CEACAM19: variants seen among roughly 807,000 people sequenced by gnomAD.
The protein encoded by CEACAM19 is CEA cell adhesion molecule 19, also known as cell adhesion molecule CEACAM19.
In CEACAM19, 37 loss-of-function variants were observed where a neutral mutation model predicts 37.6. That is an observed-to-expected ratio of 0.98 (90% CI 0.76 to 1.29). The LOEUF is 1.29. Ranked by LOEUF, CEACAM19 falls within the 50% of genes most tolerant of loss-of-function variation. CEACAM19 has a pLI of 0.00. For synonymous variants in CEACAM19, 140 were observed against 149.8 expected (o/e 0.93, Z 0.48); for missense variants, 340 against 375.6 (o/e 0.91, Z 0.78).
At position 44,672,701 on chromosome 19, in the gene CEACAM19, A is replaced by G. The variant is rs1214681415; in HGVS notation, c.161A>G (p.Gln54Arg). 4 of 1,576,876 alleles carry G rather than the reference A, an allele frequency of 2.5e-6. No homozygotes were observed. The African/African-American group carries it at 5.4e-5, about 21-fold the overall frequency. Residue 54 changes from glutamine to arginine, a missense_variant, in exon 2 of 8, where the codon CAG (glutamine) becomes CGG (arginine). By Grantham distance (43) the Gln-to-Arg change is conservative (BLOSUM62 1). Coordinates refer to ENST00000358777, the MANE Select transcript of CEACAM19 (RefSeq NM_001127893.3). ...AACCAGGACCTTCTCCTGTCAGTCC[A>G]GGGTGTCCCAGACACCTTCCAGGAC... is the stretch of plus-strand genomic sequence containing the variant. ...QKNQDLLLSV[Q>R]GVPDTFQDFN...
upstream of CEACAM19, among the ~76,000 whole-genome samples, chr19:44,668,572 T>A (rs1298216657): frequency 3.8e-5 from 3 of 79,400 alleles, no homozygotes; most frequent in African/African-American, 1.6e-4. Context: ...ATATTATATA[T>A]GTATATAATT....
At chr19:44,670,179 C>G (rs1341730734), upstream of CEACAM19, among the ~76,000 whole-genome samples, 1 of 151,700 alleles carries the variant, frequency 6.6e-6, no homozygotes, top group Non-Finnish European at 1.5e-5. Flanking sequence ...AAAAATTGAC[C>G]AGGGATGGTA....
In CEACAM19 at chr19:44,678,513, C is replaced by T. The variant is rs140391315; in HGVS notation, c.576-340C>T. Reference sequence around the variant, plus strand: ...GCAACTTCCGCCTCAGGGGTTCAAGCGATTTTCCTGCCTCAGCTTCCTGAG... The same window carrying T: ...GCAACTTCCGCCTCAGGGGTTCAAGTGATTTTCCTGCCTCAGCTTCCTGAG... On this transcript the variant is annotated intron_variant, in intron 3 of 7. Coordinates refer to ENST00000358777, the MANE Select transcript of CEACAM19 (RefSeq NM_001127893.3). The T allele has an allele frequency of 3.3e-3, 596 of 183,054 alleles. 6 individuals are homozygous for T. The highest frequency in any genetic ancestry group is 0.013 in the African/African-American group (550 of 42,384). The allele number at this position is 183,054 out of a possible 1,614,324, so 11.3% of individuals were successfully genotyped here. A position where few individuals can be genotyped will look rare whatever the true frequency, so the allele number is the denominator to read the frequency against.
chr19:44,668,610 G>A (rs1271303140), upstream of CEACAM19, among the ~76,000 whole-genome samples: 2 of 62,166 alleles, frequency 3.2e-5, no homozygotes, highest in African/African-American at 7.2e-5. Flanking sequence ...TATTATATAT[G>A]TATATAATTA....
rs1351016908 is a variant in CEACAM19 at position 44,672,858 on chromosome 19, C to T, written c.318C>T (p.Ser106=). 6.3e-7 allele frequency: 1 copy of T among 1,599,234 alleles called. No homozygotes were observed. ...QRDIVGFPNG[S]MLLRRAQPTD... is the part of the protein sequence containing the mutation. ...ACATCGTGGGCTTCCCCAATGGTTC[C>T]ATGCTGCTGCGCCGCGCCCAGCCTA... Residue 106 remains serine, a synonymous_variant, in exon 2 of 8, where the codon TCC becomes TCT. Coordinates refer to ENST00000358777, the MANE Select transcript of CEACAM19 (RefSeq NM_001127893.3).
rs1439741580 is a variant in CEACAM19, at chr19:44,682,494, C to G, written c.793-73C>G. 23 of 1,457,936 alleles carry G rather than the reference C, an allele frequency of 1.6e-5. No homozygotes were observed. The East Asian group carries it at 4.7e-4, about 30-fold the overall frequency. 90.3% of individuals were successfully genotyped at this position (1,457,936 alleles called of 1,614,324 possible). A position where few individuals can be genotyped will look rare whatever the true frequency, so the allele number is the denominator to read the frequency against. The stretch of plus-strand genomic sequence containing the variant: ...ATGGGGACTTGGAATCTGAGACTGT[C>G]CTAGCACCAAAGGTCAAAGTTTAGA... On this transcript the variant is annotated intron_variant, in intron 6 of 7. Transcript: ENST00000358777.
chr19:44,673,154 T>C (rs1335295553), intron 2 of CEACAM19, among the ~76,000 whole-genome samples, 190 bp downstream of exon 2: 3 of 152,218 alleles, frequency 2.0e-5, no homozygotes, highest in Non-Finnish European at 4.4e-5. Context: ...TAATAAAATA[T>C]CTATGAAATG....
At chr19:44,672,565 G>T (rs1409811664) in intron 1 of CEACAM19, 31 bp from the exon 2 acceptor site, 1 of 1,456,252 alleles carries the variant, frequency 6.9e-7, no homozygotes, top group Non-Finnish European at 9.1e-7. Context: ...CAACACCCCT[G>T]ATCTCAGCCC....
Position 44,676,681 on chromosome 19 carries a change from G to A in CEACAM19, c.575+260G>A, listed in dbSNP as rs1330295752. On this transcript the variant is annotated intron_variant, in intron 3 of 7. Coordinates refer to ENST00000358777, the MANE Select transcript of CEACAM19 (RefSeq NM_001127893.3). Reference sequence around the variant, plus strand: ...TCTGTCACCCAGGCTGGAGTGCAGTGGCACAATCACGACTCACTGCAGCCT... The same window carrying A: ...TCTGTCACCCAGGCTGGAGTGCAGTAGCACAATCACGACTCACTGCAGCCT... Among the ~76,000 whole-genome samples the A allele has an allele frequency of 2.0e-5, 3 of 152,198 alleles. No homozygotes were observed. The East Asian group carries it at 5.8e-4, about 29-fold the overall frequency.
At position 44,683,780 on chromosome 19, in the gene CEACAM19, A is replaced by G; in HGVS notation, c.*290A>G. On this transcript the variant is annotated 3_prime_UTR_variant, in exon 8 of 8. Coordinates refer to ENST00000358777, the MANE Select transcript of CEACAM19 (RefSeq NM_001127893.3). ...GAAAGGCAGGCTCTGGCCCCTTTCC[A>G]TGCCAAAGTCCCCCAAGATCTGGAT... 1 of 350,530 alleles carries G rather than the reference A, an allele frequency of 2.9e-6. No individual in the cohort carries two copies. The highest frequency in any genetic ancestry group is 1.4e-4 in the South Asian group (1 of 7,068). The allele number at this position is 350,530 out of a possible 1,614,324, so 21.7% of individuals were successfully genotyped here. A position where few individuals can be genotyped will look rare whatever the true frequency, so the allele number is the denominator to read the frequency against.
At chr19:44,672,480 C>G in intron 1 of CEACAM19, 116 bp from the exon 2 acceptor site, 2 of 1,139,578 alleles carry the variant, frequency 1.8e-6, no homozygotes, top group African/African-American at 1.6e-5. Flanking sequence ...AGCATTGTTT[C>G]CAATGAGCAG....
At chr19:44,678,716 T>A in intron 3 of CEACAM19, 137 bp from the exon 4 acceptor site, 5 of 1,277,294 alleles carry the variant, frequency 3.9e-6, no homozygotes, top group Non-Finnish European at 5.3e-6. Context: ...CAATTACTAT[T>A]TTTTTACTCA....
chr19:44,676,230 C>T (rs780652996), intron 2 of CEACAM19, 41 bp from the exon 3 acceptor site: 2 of 1,603,124 alleles, frequency 1.2e-6, no homozygotes, highest in Non-Finnish European at 8.5e-7. Context: ...CAGGAGACAT[C>T]GCACAGTCCC....
At chr19:44,677,394 A>G (rs1973970109) in intron 3 of CEACAM19, among the ~76,000 whole-genome samples, 1 of 152,132 alleles carries the variant, frequency 6.6e-6, no homozygotes, top group Non-Finnish European at 1.5e-5. Flanking sequence ...GGGAGTGGGC[A>G]GCAGCAGGCA....
intron 6 of CEACAM19, 31 bp downstream of exon 6, chr19:44,681,343 G>A: frequency 6.6e-7 from 1 of 1,513,916 alleles, no homozygotes; most frequent in Non-Finnish European, 9.2e-7. Context: ...CTCCCCTGAA[G>A]CCAATGCTAA....
At position 44,680,269 on chromosome 19, in the gene CEACAM19, T is replaced by A. The variant is rs200589747; in HGVS notation, c.660-19T>A. On this transcript the variant is annotated intron_variant, in intron 4 of 7. Coordinates refer to ENST00000358777, the MANE Select transcript of CEACAM19 (RefSeq NM_001127893.3). ...AGTGTCTCTCTATCCTAATATCAAT[T>A]CCCTCTATGTGTCCCCAGGATGGCG... is the stretch of plus-strand genomic sequence containing the variant. 5 of 1,603,814 alleles carry A rather than the reference T, an allele frequency of 3.1e-6. No homozygotes were observed. In the East Asian group the frequency reaches 1.1e-4, roughly 36 times the overall value.
At position 44,671,986 on chromosome 19, in the gene CEACAM19, G is replaced by C. The variant is rs1043614534; in HGVS notation, c.55G>C (p.Ala19Pro). The C allele has an allele frequency of 1.9e-6, 3 of 1,603,152 alleles. No individual in the cohort carries two copies. Among genetic ancestry groups the C allele is most frequent in the Middle Eastern group, 2.0e-4 (1 of 5,084 alleles). ...CTTCTCAAAGAGCCTCCTGCTCTCA[G>C]GTAAGGAGGAAATAGACCCTAAAGG... is the stretch of plus-strand genomic sequence containing the variant. ...GCFSKSLLLS[A>P]SILVLWMLQG... Residue 19 changes from alanine (A) to proline (P), a missense_variant and splice_region_variant, in exon 1 of 8, where the codon GCC (alanine) becomes CCC (proline). By Grantham distance (27) the Ala-to-Pro change is conservative (BLOSUM62 -1). Coordinates refer to ENST00000358777, the MANE Select transcript of CEACAM19 (RefSeq NM_001127893.3).
At chr19:44,681,610 A>G (rs1568518450) in intron 6 of CEACAM19, among the ~76,000 whole-genome samples, 1 of 152,136 alleles carries the variant, frequency 6.6e-6, no homozygotes, top group South Asian at 2.1e-4. Flanking sequence ...GAGGTTTTAT[A>G]TATATATAAC....
intron 1 of CEACAM19, among the ~76,000 whole-genome samples, chr19:44,666,343 G>A (rs535594696): frequency 3.9e-4 from 60 of 152,150 alleles, no homozygotes; most frequent in African/African-American, 8.2e-4. Flanking sequence ...CTTCTCTCCC[G>A]GAGACAGACC....
Sources: gnomAD v4.1 joint callset for allele counts (sites outside exome capture counted in the v4.1 genomes callset) on GRCh38, gnomAD v4.1.1 for gene constraint, MANE v1.5 for transcripts, NCBI Gene and HGNC (gene_info 2026-07-23, HGNC 2026-07-21) for gene names.